ACACA: variants seen among roughly 807,000 people sequenced by gnomAD.
ACACA encodes acetyl-CoA carboxylase 1.
A neutral mutation model predicts 296.1 loss-of-function variants in ACACA; 103 were observed. The observed-to-expected ratio is 0.35, with a 90% confidence interval of 0.30 to 0.41. The LOEUF (loss-of-function observed/expected upper bound fraction) is 0.41. Ranked by LOEUF, ACACA falls within the 10% of genes least tolerant of loss-of-function variation. ACACA has a pLI of 1.00. For missense variants in ACACA, 1,554 were observed against 2,989.7 expected (o/e 0.52, Z 11.20); for synonymous variants, 953 against 1,038.6 (o/e 0.92, Z 1.58).
At chr17:37,176,406 G>T (rs1376207704) in intron 41 of ACACA, among the ~76,000 whole-genome samples, 2 of 152,136 alleles carry the variant, frequency 1.3e-5, no homozygotes, top group Non-Finnish European at 2.9e-5. Context: ...ACATTAACAG[G>T]TCAATTTTTT....
intron 3 of ACACA, among the ~76,000 whole-genome samples, chr17:37,325,366 C>CAA (rs984723677): frequency 1.8e-5 from 2 of 114,108 alleles, no homozygotes; most frequent in East Asian, 2.6e-4. Context: ...AACTCAGTCT[C>CAA]AAAAAAAAAA....
intron 1 of ACACA, among the ~76,000 whole-genome samples, chr17:37,383,859 C>T (rs113424662): frequency 1.1e-3 from 164 of 152,226 alleles, no homozygotes; most frequent in African/African-American, 3.8e-3. Flanking sequence ...TCCAAAACAA[C>T]CAATTTATGT....
chr17:37,283,319 A>G lies in ACACA; in HGVS notation c.558T>C (p.Arg186=), dbSNP rs1478520111. Residue 186 remains arginine (R), a synonymous_variant, in exon 5 of 56, where the codon CGT becomes CGC. Transcript: ENST00000616317. The part of the protein sequence containing the change: ...RWSYEMFRNE[R]AIRFVVMVTP... ...TGACCATGACAACGAATCTAATTGCACGTTCATTTCGAAACATTTCATAAG... is the reference window on the plus strand; with the variant it reads ...TGACCATGACAACGAATCTAATTGCGCGTTCATTTCGAAACATTTCATAAG... 1.2e-6 allele frequency: 2 copies of G among 1,614,038 alleles called. No homozygotes were observed.
At chr17:37,226,587 T>C (rs2079554547) in intron 25 of ACACA, 135 bp from the exon 26 acceptor site, 1 of 819,330 alleles carries the variant, frequency 1.2e-6, no homozygotes, top group Admixed American at 2.0e-5. Context: ...CTTCCTATTA[T>C]TTTTACCCTA....
Position 37,214,043 on chromosome 17 carries a change from C to T in ACACA, c.3684-3553G>A, listed in dbSNP as rs563499032. Among the ~76,000 whole-genome samples the T allele has an allele frequency of 2.0e-5, 3 of 152,078 alleles. No homozygotes were observed. In the East Asian group the frequency reaches 5.8e-4, roughly 29 times the overall value. The stretch of plus-strand genomic sequence containing the variant: ...AATGATGGGGATGCATGCAAACAAG[C>T]AGTGGTTACATCAAGCTGTGACTGA... On this transcript the variant is annotated intron_variant, in intron 29 of 55. Coordinates refer to ENST00000616317, the MANE Select transcript of ACACA (RefSeq NM_198834.3).
intron 17 of ACACA, 98 bp downstream of exon 17, chr17:37,248,495 C>A (rs1047375174): frequency 2.1e-5 from 19 of 901,230 alleles, no homozygotes; most frequent in African/African-American, 6.5e-5. Flanking sequence ...CACTAATACC[C>A]CCATCCCTGC....
chr17:37,133,679 C>T (rs376399310), intron 45 of ACACA, among the ~76,000 whole-genome samples: 5 of 152,206 alleles, frequency 3.3e-5, no homozygotes, highest in East Asian at 3.8e-4. Flanking sequence ...CTTTGACCTA[C>T]GCATTTCTTG....
chr17:37,089,837 C>T (rs1036114080), intron 54 of ACACA, among the ~76,000 whole-genome samples: 1 of 152,182 alleles, frequency 6.6e-6, no homozygotes, highest in Admixed American at 6.5e-5. Flanking sequence ...ATAGCCTTCT[C>T]CTTGCTCTCT....
intron 40 of ACACA, among the ~76,000 whole-genome samples, chr17:37,180,917 G>C (rs1472374795): frequency 6.6e-6 from 1 of 152,116 alleles, no homozygotes; most frequent in Non-Finnish European, 1.5e-5. Flanking sequence ...CTTCACACAA[G>C]TCACTGTAAA....
rs566427338 is a variant in ACACA, at chr17:37,378,987, T to G, written c.38+27275A>C. 24 of 941,496 alleles carry G rather than the reference T, an allele frequency of 2.5e-5. No individual in the cohort carries two copies. The East Asian group carries it at 6.4e-4, about 25-fold the overall frequency. 58.3% of individuals were successfully genotyped at this position (941,496 alleles called of 1,614,324 possible). ...AGGAGGCTGAGGTGGGAGGATTGCT[T>G]GGAGATCGAGGGAGTTTGAGGCTGG... On this transcript the variant is annotated intron_variant, in intron 1 of 55. Transcript: ENST00000616317.
At chr17:37,098,069 A>C in intron 52 of ACACA, 85 bp from the exon 53 acceptor site, 30 of 1,541,754 alleles carry the variant, frequency 1.9e-5, no homozygotes, top group Non-Finnish European at 2.6e-5. Context: ...CGGGAAGCTC[A>C]ACATCAGCCT....
chr17:37,325,226 C>T (rs2047550682), intron 3 of ACACA, among the ~76,000 whole-genome samples: 1 of 151,100 alleles, frequency 6.6e-6, no homozygotes, highest in Non-Finnish European at 1.5e-5. Flanking sequence ...ATTAGTGCGG[C>T]ATGGTGGAGA....
At chr17:37,345,331 T>G (rs971292787) in intron 1 of ACACA, 1 of 152,200 alleles carries the variant, frequency 6.6e-6, no homozygotes, top group Non-Finnish European at 1.5e-5. Flanking sequence ...GGATTATAGG[T>G]GTGAGCCACC....
chr17:37,380,912 T>A (rs829155), intron 1 of ACACA, among the ~76,000 whole-genome samples: 73,783 of 149,958 alleles, frequency 0.49, 19,174 homozygotes, highest in East Asian at 0.92. Flanking sequence ...TTTTTTTTTT[T>A]AATTTCATTT....
intron 41 of ACACA, among the ~76,000 whole-genome samples, chr17:37,175,701 T>C (rs1179154331): frequency 6.6e-6 from 1 of 152,230 alleles, no homozygotes. Flanking sequence ...TGGAGCTATC[T>C]GCAAGTAACG....
chr17:37,319,749 A>C (rs1017793909), intron 3 of ACACA, among the ~76,000 whole-genome samples: 1 of 151,946 alleles, frequency 6.6e-6, no homozygotes, highest in African/African-American at 2.4e-5. Flanking sequence ...TCAGGAGTTC[A>C]AAACCAGCCT....
intron 45 of ACACA, among the ~76,000 whole-genome samples, chr17:37,139,114 T>C (rs1332220297): frequency 1.3e-5 from 2 of 152,266 alleles, no homozygotes; most frequent in Admixed American, 1.3e-4. Context: ...AAGACAGAGC[T>C]ATGAATATAT....
intron 7 of ACACA, 138 bp downstream of exon 7, chr17:37,276,895 G>T (rs1317222109): frequency 9.0e-6 from 7 of 773,508 alleles, no homozygotes; most frequent in African/African-American, 1.7e-5. Context: ...TACTCTGAGA[G>T]TTAGTAATAG....
At chr17:37,239,038 A>T (rs1316537987) in intron 24 of ACACA, among the ~76,000 whole-genome samples, 1 of 152,106 alleles carries the variant, frequency 6.6e-6, no homozygotes, top group Non-Finnish European at 1.5e-5. Context: ...TATATTGCCA[A>T]GGCTGGTCTC....
Sources: allele counts gnomAD v4.1 joint callset (sites outside exome capture counted in the v4.1 genomes callset), GRCh38; gene constraint gnomAD v4.1.1; transcripts MANE v1.5; gene names NCBI Gene and HGNC (gene_info 2026-07-23, HGNC 2026-07-21).